SYNPR: variants seen among roughly 807,000 people sequenced by gnomAD.
SYNPR encodes the protein synaptoporin.
A neutral mutation model predicts 32.9 loss-of-function variants in SYNPR; 23 were observed. The ratio of observed to expected loss-of-function variants is 0.70; its 90% CI spans 0.50 to 0.99. The LOEUF is 0.99. SYNPR is among the 50% of genes least tolerant of loss of function. The probability of loss-of-function intolerance (pLI) is 0.00; values close to 1 mark genes in which losing one functional copy is unlikely to be tolerated. For synonymous variants in SYNPR, 146 were observed against 135.9 expected, an observed-to-expected ratio of 1.07 and a Z score of -0.52; for missense variants, 318 against 349.3, an observed-to-expected ratio of 0.91 and a Z score of 0.71.
At chr3:63,380,445 T>C (rs2087951512) in intron 2 of SYNPR, among the ~76,000 whole-genome samples, 2 of 151,972 alleles carry the variant, frequency 1.3e-5, no homozygotes, top group African/African-American at 4.8e-5. Context: ...CCAGTGATGA[T>C]GAGCATTTTT....
chr3:63,315,504 T>C (rs2087030628), intron 2 of SYNPR, among the ~76,000 whole-genome samples: 1 of 151,998 alleles, frequency 6.6e-6, no homozygotes, highest in African/African-American at 2.4e-5. Context: ...GCAGCTATTG[T>C]AAAAGGGGTT....
intron 2 of SYNPR, among the ~76,000 whole-genome samples, chr3:63,361,403 AGGT>A (rs1478919203): frequency 2.6e-4 from 39 of 152,102 alleles, no homozygotes; most frequent in Admixed American, 2.4e-3. Context: ...CTGGCCAACA[AGGT>A]ACATGGTGAA....
intron 3 of SYNPR, among the ~76,000 whole-genome samples, chr3:63,272,522 T>C (rs2086545500): frequency 6.6e-6 from 1 of 151,910 alleles, no homozygotes; most frequent in African/African-American, 2.4e-5. Flanking sequence ...TTTTTTTTTT[T>C]TTTTTGGATA....
chr3:63,247,346 A>C (rs1259865170), intron 1 of SYNPR, among the ~76,000 whole-genome samples: 3 of 152,034 alleles, frequency 2.0e-5, no homozygotes. Flanking sequence ...AATTAAATAA[A>C]ATCAGGGATG....
intron 4 of SYNPR, among the ~76,000 whole-genome samples, chr3:63,600,185 G>A (rs1157075159): frequency 6.6e-6 from 1 of 152,226 alleles, no homozygotes; most frequent in Non-Finnish European, 1.5e-5. Context: ...GATGAATGAT[G>A]TTGGTAAGCA....
At chr3:63,287,150 T>A (rs9867170) in intron 2 of SYNPR, among the ~76,000 whole-genome samples, 70,738 of 151,944 alleles carry the variant, frequency 0.47, 16,645 homozygotes, top group Middle Eastern at 0.52. Context: ...TACTGGGGAA[T>A]GTTCCTTAGG....
chr3:63,268,275 G>A (rs2106906761), intron 3 of SYNPR, among the ~76,000 whole-genome samples: 1 of 152,268 alleles, frequency 6.6e-6, no homozygotes, highest in East Asian at 1.9e-4. Context: ...TTGATCCACT[G>A]TTGATACATA....
Position 63,480,975 on chromosome 3 carries a change from T to G in SYNPR, c.209+19T>G. 1 of 1,607,122 alleles carries G rather than the reference T, an allele frequency of 6.2e-7. No individual in the cohort carries two copies. Among genetic ancestry groups the G allele is most frequent in the African/African-American group, 1.3e-5 (1 of 74,850 alleles). ...CATTCAGGTAGGGAATGGTGGTTCATGCTTGTTAGCCTCACAGGGGGTTAT... is the reference window on the plus strand; with the variant it reads ...CATTCAGGTAGGGAATGGTGGTTCAGGCTTGTTAGCCTCACAGGGGGTTAT... On this transcript the variant is annotated intron_variant, in intron 3 of 5. Transcript: ENST00000478300.
At chr3:63,249,683 C>T (rs2086316049) in intron 1 of SYNPR, among the ~76,000 whole-genome samples, 1 of 152,074 alleles carries the variant, frequency 6.6e-6, no homozygotes, top group African/African-American at 2.4e-5. Context: ...ACCTGTACCC[C>T]AATAACTTAT....
Position 63,457,082 on chromosome 3 carries a change from G to T in SYNPR, c.85-23750G>T, listed in dbSNP as rs147427689. Among the ~76,000 whole-genome samples, 307 of 152,090 alleles carry T rather than the reference G, an allele frequency of 2.0e-3. 1 individual carries two copies. The highest frequency in any genetic ancestry group is 6.9e-3 in the African/African-American group (288 of 41,524). On this transcript the variant is annotated intron_variant, in intron 2 of 5. Transcript: ENST00000478300. ...AGCTTTGCCTGTTTCTCCCTAAGTG[G>T]GGCTATCACCTTCCAAGCTAAGAAT...
At chr3:63,209,272 C>T in the SYNPR span, among the ~76,000 whole-genome samples, 2 of 144,166 alleles carry the variant, frequency 1.4e-5, no homozygotes, top group African/African-American at 2.6e-5. Flanking sequence ...GAGCAGAGAT[C>T]GCGCCACTGC....
intron 4 of SYNPR, among the ~76,000 whole-genome samples, chr3:63,572,833 C>A (rs1702912753): frequency 6.6e-6 from 1 of 152,074 alleles, no homozygotes; most frequent in Non-Finnish European, 1.5e-5. Context: ...TGAACTTAGA[C>A]CTCCAGAAGC....
intron 2 of SYNPR, among the ~76,000 whole-genome samples, chr3:63,357,169 C>A (rs2087594142): frequency 6.6e-6 from 1 of 152,162 alleles, no homozygotes; most frequent in African/African-American, 2.4e-5. Flanking sequence ...TCCTGGGGCC[C>A]ATTTGCTATC....
chr3:63,493,278 G>C (rs1387975148), intron 3 of SYNPR, among the ~76,000 whole-genome samples: 4 of 152,070 alleles, frequency 2.6e-5, no homozygotes, highest in African/African-American at 9.7e-5. Flanking sequence ...GAGAGGATTG[G>C]CAAGTATTCA....
At chr3:63,418,489 C>T (rs931411062) in intron 2 of SYNPR, among the ~76,000 whole-genome samples, 2 of 152,188 alleles carry the variant, frequency 1.3e-5, no homozygotes, top group African/African-American at 4.8e-5. Flanking sequence ...CAGCAGCGCC[C>T]CTCTCTACCA....
intron 3 of SYNPR, among the ~76,000 whole-genome samples, chr3:63,542,186 T>G (rs2106806063): frequency 6.6e-6 from 1 of 152,252 alleles, no homozygotes; most frequent in Non-Finnish European, 1.5e-5. Context: ...CCATGTTTTC[T>G]TCTGTATTGG....
intron 3 of SYNPR, among the ~76,000 whole-genome samples, chr3:63,487,257 C>T (rs530840581): frequency 2.6e-5 from 4 of 152,240 alleles, no homozygotes; most frequent in Middle Eastern, 3.4e-3. Context: ...AGACAGACTA[C>T]ATAGATTCAA....
At chr3:63,218,203 G>C in the SYNPR span, among the ~76,000 whole-genome samples, 8 of 152,160 alleles carry the variant, frequency 5.3e-5, no homozygotes, top group Non-Finnish European at 8.8e-5. Flanking sequence ...TTACAGGAGG[G>C]TGGAGCAAAT....
intron 3 of SYNPR, among the ~76,000 whole-genome samples, chr3:63,535,775 C>T (rs1367713598): frequency 1.3e-5 from 2 of 149,922 alleles, no homozygotes; most frequent in East Asian, 3.9e-4. Flanking sequence ...ATACCATTTA[C>T]AAAAATTAAC....
Sources: gnomAD v4.1 joint callset for allele counts (sites outside exome capture counted in the v4.1 genomes callset) on GRCh38, gnomAD v4.1.1 for gene constraint, MANE v1.5 for transcripts, NCBI Gene and HGNC (gene_info 2026-07-23, HGNC 2026-07-21) for gene names.